Variants in DDO observed in about 807,000 individuals in gnomAD.
DDO encodes D-aspartate oxidase, DDO.
DDO carries 16 observed loss-of-function variants against 16.8 expected under a neutral mutation model. That is an observed-to-expected ratio of 0.95 (90% confidence interval 0.65 to 1.45). The LOEUF (loss-of-function observed/expected upper bound fraction) is 1.45. Among genes scored for constraint, DDO ranks in the 40% most tolerant of loss-of-function variants. DDO has a pLI of 0.00. For synonymous variants in DDO, 180 were observed against 167.2 expected, an observed-to-expected ratio of 1.08 and a Z score of -0.59; for missense variants, 429 against 420.3, an observed-to-expected ratio of 1.02 and a Z score of -0.18.
intron 4 of DDO, among the ~76,000 whole-genome samples, chr6:110,394,998 G>A (rs1773246049): frequency 6.6e-6 from 1 of 152,196 alleles, no homozygotes; most frequent in South Asian, 2.1e-4. Context: ...TGGACTGGAA[G>A]TAAGTGTTAG....
intron 4 of DDO, among the ~76,000 whole-genome samples, chr6:110,401,891 A>G (rs753360317): frequency 1.3e-5 from 2 of 152,266 alleles, no homozygotes; most frequent in African/African-American, 2.4e-5. Context: ...AGTAGAGATA[A>G]CTGGCATTCT....
At position 110,393,102 on chromosome 6, in the gene DDO, T is replaced by G; in HGVS notation, c.699A>C (p.Leu233=). 1.2e-6 allele frequency: 2 copies of G among 1,613,906 alleles called. No individual in the cohort carries two copies. Among genetic ancestry groups the G allele is most frequent in the Non-Finnish European group, 1.7e-6 (2 of 1,179,744 alleles). The change falls in exon 5 of 5, where the codon CTA becomes CTC. Residue 233 remains leucine, a synonymous_variant. Coordinates refer to ENST00000368924, the MANE Select transcript of DDO (RefSeq NM_001372108.2). ...YIYPGTSHVT[L]GGTRQKGDWN... is the part of the protein sequence containing the mutation. ...AGTCCCCTTTTTGCCTAGTTCCACC[T>G]AGGGTTACATGGGATGTACCAGGAT...
At chr6:110,412,276 A>G (rs539720564) in intron 2 of DDO, among the ~76,000 whole-genome samples, 2 of 152,114 alleles carry the variant, frequency 1.3e-5, no homozygotes, top group African/African-American at 4.8e-5. Flanking sequence ...AAATCCATGC[A>G]TCTTCAGGTC....
At chr6:110,408,947 G>A (rs1002760613) in intron 2 of DDO, among the ~76,000 whole-genome samples, 5 of 152,220 alleles carry the variant, frequency 3.3e-5, no homozygotes, top group African/African-American at 1.2e-4. Context: ...ACTGCACCTC[G>A]ATGGGGAGTT....
chr6:110,394,590 A>G (rs1773230325), intron 4 of DDO, among the ~76,000 whole-genome samples: 1 of 152,238 alleles, frequency 6.6e-6, no homozygotes, highest in South Asian at 2.1e-4. Flanking sequence ...GAAGGGTGTG[A>G]GTGACAGTGC....
In DDO at chr6:110,404,811, A is replaced by G. The variant is rs1410976110; in HGVS notation, c.421T>C (p.Cys141Arg). Residue 141 changes from cysteine to arginine, a missense_variant, in exon 4 of 5, where the codon TGT becomes CGT. Cys to Arg is a radical substitution (Grantham distance 180). Coordinates refer to ENST00000368924, the MANE Select transcript of DDO (RefSeq NM_001372108.2). ...VFGQAFTTLKCECPAYLPWLE... is the reference protein window; with the variant it reads ...VFGQAFTTLKRECPAYLPWLE... ...CACGGGAGGTAGGCAGGGCATTCAC[A>G]TTTCAGGGTTGTAAAAGCCTGACCA... 5.0e-6 allele frequency: 8 copies of G among 1,614,014 alleles called. No homozygotes were observed. Among genetic ancestry groups the G allele is most frequent in the African/African-American group, 1.3e-5 (1 of 74,910 alleles).
At chr6:110,396,490 C>T (rs992725610) in intron 4 of DDO, among the ~76,000 whole-genome samples, 2 of 152,198 alleles carry the variant, frequency 1.3e-5, no homozygotes, top group Non-Finnish European at 2.9e-5. Context: ...ATGCTTCAAA[C>T]AACAGAACCT....
At chr6:110,415,352 G>A (rs974527927) in intron 1 of DDO, 115 bp downstream of exon 1, 1 of 1,362,848 alleles carries the variant, frequency 7.3e-7, no homozygotes, top group African/African-American at 1.5e-5. Flanking sequence ...GCAATGTGGT[G>A]TGTCCTGGCA....
At chr6:110,402,032 GA>G (rs1352555157) in intron 4 of DDO, among the ~76,000 whole-genome samples, 1 of 152,104 alleles carries the variant, frequency 6.6e-6, no homozygotes, top group African/African-American at 2.4e-5. Context: ...ATCCGATCCC[GA>G]GGAAACATCA....
At chr6:110,390,129 C>T (rs1773074773), downstream of DDO, among the ~76,000 whole-genome samples, 1 of 152,176 alleles carries the variant, frequency 6.6e-6, no homozygotes, top group African/African-American at 2.4e-5. Context: ...TAAGGACACA[C>T]TTGCCTAAGT....
At chr6:110,413,925 C>T (rs572809552) in intron 1 of DDO, among the ~76,000 whole-genome samples, 17 of 152,254 alleles carry the variant, frequency 1.1e-4, no homozygotes, top group Admixed American at 8.5e-4. Context: ...AGGTGCCCAC[C>T]ACCACGCCAG....
Position 110,404,214 on chromosome 6 carries a change from G to A in DDO, c.458+560C>T, listed in dbSNP as rs368464291. On this transcript the variant is annotated intron_variant, in intron 4 of 4. Coordinates refer to ENST00000368924, the MANE Select transcript of DDO (RefSeq NM_001372108.2). Reference sequence around the variant, plus strand: ...TCCTGAAAGTCCTGAAAAGTAAGCCGAAATGCAAGTTCAAGGTATCACGGG... The same window carrying A: ...TCCTGAAAGTCCTGAAAAGTAAGCCAAAATGCAAGTTCAAGGTATCACGGG... 7.2e-5 allele frequency among the ~76,000 whole-genome samples: 11 copies of A among 152,258 alleles called. No homozygotes were observed. The East Asian group carries it at 1.7e-3, about 24-fold the overall frequency.
intron 1 of DDO, among the ~76,000 whole-genome samples, chr6:110,414,075 T>A (rs71562225): frequency 0.02 from 3,037 of 152,204 alleles, 58 homozygotes; most frequent in East Asian, 0.12. Flanking sequence ...CCCGGCTTCA[T>A]CCCCCTTTCC....
intron 3 of DDO, among the ~76,000 whole-genome samples, chr6:110,407,676 G>A (rs1773703917): frequency 6.6e-6 from 1 of 152,172 alleles, no homozygotes; most frequent in African/African-American, 2.4e-5. Flanking sequence ...AGAATATTAA[G>A]TGATCTCAGT....
chr6:110,406,861 A>T (rs1224471515), intron 3 of DDO, among the ~76,000 whole-genome samples: 1 of 152,158 alleles, frequency 6.6e-6, no homozygotes, highest in Non-Finnish European at 1.5e-5. Context: ...TTCTCCAGAC[A>T]TATGCTTCCA....
At chr6:110,408,841 G>A (rs1239736219) in intron 2 of DDO, among the ~76,000 whole-genome samples, 1 of 152,328 alleles carries the variant, frequency 6.6e-6, no homozygotes, top group Middle Eastern at 3.4e-3. Flanking sequence ...TGAGACAATA[G>A]GACCAAGGAC....
chr6:110,397,048 T>C (rs747041940), intron 4 of DDO, among the ~76,000 whole-genome samples: 1 of 152,194 alleles, frequency 6.6e-6, no homozygotes, highest in Non-Finnish European at 1.5e-5. Flanking sequence ...TTACCATTCA[T>C]ATGACCTCGG....
In DDO at chr6:110,401,464, TA is replaced by T. The variant is rs35673802; in HGVS notation, c.458+3309del. On this transcript the variant is annotated intron_variant, in intron 4 of 4. Coordinates refer to ENST00000368924, the MANE Select transcript of DDO (RefSeq NM_001372108.2). ...TGTGCCCCAAAGTAAAAAAGTGCTT[TA>T]AAAAAAAAAAAAGCAAATCAAGTGA... Among the ~76,000 whole-genome samples the T allele has an allele frequency of 1.8e-3, 262 of 145,830 alleles. 1 individual carries two copies. The highest frequency in any genetic ancestry group is 4.0e-3 in the African/African-American group (157 of 39,666).
At chr6:110,390,265 C>A (rs1158557472), downstream of DDO, among the ~76,000 whole-genome samples, 1 of 152,168 alleles carries the variant, frequency 6.6e-6, no homozygotes, top group East Asian at 1.9e-4. Context: ...TCAGCCCTGG[C>A]TCTCAGAACT....
Sources: allele counts gnomAD v4.1 joint callset (sites outside exome capture counted in the v4.1 genomes callset), GRCh38; gene constraint gnomAD v4.1.1; transcripts MANE v1.5; gene names NCBI Gene and HGNC (gene_info 2026-07-23, HGNC 2026-07-21).